Variants in TTLL5 observed in about 807,000 individuals in gnomAD.
TTLL5 encodes tubulin polyglutamylase TTLL5.
A neutral mutation model predicts 168.4 loss-of-function variants in TTLL5; 132 were observed. The ratio of observed to expected loss-of-function variants is 0.78; its 90% CI spans 0.68 to 0.91. TTLL5 has a LOEUF of 0.91. TTLL5 is among the 40% of genes least tolerant of loss of function. TTLL5 has a pLI of 0.00. For missense variants in TTLL5, 1,545 were observed against 1,581.5 expected (o/e 0.98, Z 0.39); for synonymous variants, 546 against 558.6 (o/e 0.98, Z 0.32).
At chr14:75,707,236 A>G (rs933644921) in intron 8 of TTLL5, 149 bp downstream of exon 8, 19 of 643,998 alleles carry the variant, frequency 3.0e-5, no homozygotes, top group African/African-American at 2.9e-4. Flanking sequence ...TTCCTTACCT[A>G]TCTCACGGGA....
intron 31 of TTLL5, among the ~76,000 whole-genome samples, chr14:75,912,916 A>C (rs2033448905): frequency 6.6e-6 from 1 of 152,218 alleles, no homozygotes; most frequent in African/African-American, 2.4e-5. Flanking sequence ...GAGGGGACAA[A>C]AGGAATATAG....
At chr14:75,820,365 A>C (rs183111311) in intron 28 of TTLL5, among the ~76,000 whole-genome samples, 13 of 152,318 alleles carry the variant, frequency 8.5e-5, no homozygotes, top group African/African-American at 3.1e-4. Flanking sequence ...TGAAAAGGAC[A>C]TTTCTGAGAT....
chr14:75,930,036 A>C (rs2140165699), intron 31 of TTLL5, among the ~76,000 whole-genome samples: 1 of 152,386 alleles, frequency 6.6e-6, no homozygotes, highest in Admixed American at 6.5e-5. Flanking sequence ...TAAGCAGACC[A>C]GTACAGACTT....
chr14:75,797,524 C>CT (rs1566608807), intron 27 of TTLL5, among the ~76,000 whole-genome samples: 1 of 152,074 alleles, frequency 6.6e-6, no homozygotes, highest in Non-Finnish European at 1.5e-5. Context: ...AACTTTTCTA[C>CT]TTTTGGTATA....
intron 28 of TTLL5, among the ~76,000 whole-genome samples, chr14:75,857,443 GT>G (rs1423306340): frequency 6.7e-6 from 1 of 150,096 alleles, no homozygotes; most frequent in Admixed American, 6.7e-5. Context: ...TTGTGTTAAA[GT>G]TTTTTTATGT....
chr14:75,846,666 C>T (rs1379208032), intron 28 of TTLL5, among the ~76,000 whole-genome samples: 4 of 151,746 alleles, frequency 2.6e-5, no homozygotes, highest in South Asian at 2.1e-4. Context: ...GGCGCGTGCC[C>T]GTAATCCCAG....
At chr14:75,693,274 G>A (rs1401568871) in intron 6 of TTLL5, among the ~76,000 whole-genome samples, 1 of 152,168 alleles carries the variant, frequency 6.6e-6, no homozygotes, top group Non-Finnish European at 1.5e-5. Flanking sequence ...CCTAGGGATG[G>A]GTGGGTGTCT....
chr14:75,937,667 AG>A (rs1357678973), intron 31 of TTLL5, among the ~76,000 whole-genome samples: 16 of 152,292 alleles, frequency 1.1e-4, no homozygotes, highest in African/African-American at 3.8e-4. Context: ...AGTGTTCTCC[AG>A]GTTCATCTGC....
chr14:75,671,234 T>C (rs1425338671), intron 3 of TTLL5, among the ~76,000 whole-genome samples: 2 of 152,364 alleles, frequency 1.3e-5, no homozygotes, highest in East Asian at 3.8e-4. Context: ...GGTTTACTTA[T>C]GGACTTTTAA....
chr14:75,731,414 CACACACACAG>C (rs1351414350), intron 12 of TTLL5, among the ~76,000 whole-genome samples: 9 of 139,842 alleles, frequency 6.4e-5, no homozygotes, highest in South Asian at 2.2e-4. Flanking sequence ...CACACACACA[CACACACACAG>C]GACTGTACAT....
At chr14:75,911,073 A>C (rs1034060111) in intron 31 of TTLL5, among the ~76,000 whole-genome samples, 2 of 152,016 alleles carry the variant, frequency 1.3e-5, no homozygotes, top group Non-Finnish European at 2.9e-5. Flanking sequence ...ACCCAGCCAG[A>C]CTGGAGTGCA....
chr14:75,719,702 C>G (rs1887722925), intron 10 of TTLL5, 33 bp from the exon 11 acceptor site: 1 of 1,569,720 alleles, frequency 6.4e-7, no homozygotes. Flanking sequence ...AGCCTAGTTA[C>G]ATATGTGACT....
At chr14:75,878,274 G>GT (rs531202146) in intron 29 of TTLL5, among the ~76,000 whole-genome samples, 68 of 152,118 alleles carry the variant, frequency 4.5e-4, no homozygotes, top group Non-Finnish European at 3.7e-4. Context: ...AGTTAAAAGG[G>GT]TTTTTTTCCC....
intron 28 of TTLL5, among the ~76,000 whole-genome samples, chr14:75,840,202 T>C (rs961808763): frequency 6.6e-6 from 1 of 152,234 alleles, no homozygotes; most frequent in Admixed American, 6.5e-5. Flanking sequence ...GTTATAGCTT[T>C]TATGCTTGTG....
intron 31 of TTLL5, among the ~76,000 whole-genome samples, chr14:75,910,555 C>G (rs553882509): frequency 1.6e-4 from 24 of 152,280 alleles, no homozygotes; most frequent in Non-Finnish European, 2.8e-4. Flanking sequence ...CTTTATTGTC[C>G]TCATATCCTC....
chr14:75,788,375 C>T (rs1892505950), intron 26 of TTLL5, among the ~76,000 whole-genome samples: 1 of 151,906 alleles, frequency 6.6e-6, no homozygotes, highest in Non-Finnish European at 1.5e-5. Context: ...CCTCTGATGA[C>T]ACCTATCAAG....
intron 3 of TTLL5, among the ~76,000 whole-genome samples, chr14:75,672,538 C>T (rs557032065): frequency 7.9e-5 from 12 of 152,288 alleles, no homozygotes; most frequent in East Asian, 1.9e-4. Context: ...CCACCACGCC[C>T]GGCCTAATTG....
Position 75,851,038 on chromosome 14 carries a change from A to T in TTLL5, c.3327-12629A>T, listed in dbSNP as rs978130576. On this transcript the variant is annotated intron_variant, in intron 28 of 31. Transcript: ENST00000298832. ...CTTGAGCCTGGGACTTAGAGGTTGC[A>T]GTGAGCCACGATTGTACCACTGTAC... 2.1e-5 allele frequency among the ~76,000 whole-genome samples: 3 copies of T among 143,380 alleles called. No homozygotes were observed. The Admixed American group carries it at 2.2e-4, about 11-fold the overall frequency. The allele number at this position is 143,380 out of a possible 152,430, so 94.1% of individuals were successfully genotyped here.
chr14:75,783,558 C>A lies in TTLL5; in HGVS notation c.2986+28C>A, dbSNP rs367949457. On this transcript the variant is annotated intron_variant, in intron 26 of 31. Coordinates refer to ENST00000298832, the MANE Select transcript of TTLL5 (RefSeq NM_015072.5). ...GAGTGAGAGAACGAAAGACAGTCCA[C>A]AATGTGAGCTCCTCCCCAGCCCCAA... 2.5e-6 allele frequency: 4 copies of A among 1,600,996 alleles called. No homozygotes were observed. In the South Asian group the frequency reaches 4.5e-5, roughly 18 times the overall value.
Sources: allele counts gnomAD v4.1 joint callset (sites outside exome capture counted in the v4.1 genomes callset), GRCh38; gene constraint gnomAD v4.1.1; transcripts MANE v1.5; gene names NCBI Gene and HGNC (gene_info 2026-07-23, HGNC 2026-07-21).